PTPRT: variants seen among roughly 807,000 people sequenced by gnomAD.
PTPRT encodes receptor-type tyrosine-protein phosphatase T.
PTPRT carries 56 observed loss-of-function variants against 176.8 expected under a neutral mutation model. The ratio of observed to expected loss-of-function variants is 0.32; its 90% CI spans 0.26 to 0.40. The LOEUF is 0.40. Among genes scored for constraint, PTPRT ranks in the 10% least tolerant of loss-of-function variants. PTPRT has a pLI of 1.00. For synonymous variants in PTPRT, 783 were observed against 739.0 expected (o/e 1.06, Z -0.96); for missense variants, 1,540 against 1,908.2 (o/e 0.81, Z 3.60).
At chr20:42,184,535 C>CTTCTTCTTCTTCT (rs1568652084) in intron 16 of PTPRT, among the ~76,000 whole-genome samples, 573 of 36,628 alleles carry the variant, frequency 0.016, 19 homozygotes, top group South Asian at 0.025. Flanking sequence ...CTTCTTCTTC[C>CTTCTTCTTCTTCT]TCTTCCTCTT....
At chr20:42,848,799 G>A (rs183721300) in intron 2 of PTPRT, among the ~76,000 whole-genome samples, 10 of 152,068 alleles carry the variant, frequency 6.6e-5, no homozygotes, top group Admixed American at 1.3e-4. Flanking sequence ...TTGGCTGTTC[G>A]GAAGCTTTTC....
intron 15 of PTPRT, among the ~76,000 whole-genome samples, chr20:42,210,993 A>C (rs1338870390): frequency 6.6e-6 from 1 of 152,040 alleles, no homozygotes; most frequent in Admixed American, 6.6e-5. Flanking sequence ...ATAACGCCGC[A>C]TATCTACAAC....
chr20:42,360,566 T>C (rs1366153668), intron 9 of PTPRT, among the ~76,000 whole-genome samples: 1 of 152,238 alleles, frequency 6.6e-6, no homozygotes, highest in African/African-American at 2.4e-5. Context: ...AACCTTCTTG[T>C]TTAATGAGTC....
intron 1 of PTPRT, among the ~76,000 whole-genome samples, chr20:42,901,881 T>A (rs2145917335): frequency 6.6e-6 from 1 of 152,330 alleles, no homozygotes; most frequent in Non-Finnish European, 1.5e-5. Flanking sequence ...AATAAAGTTT[T>A]ATTGAAACAC....
intron 1 of PTPRT, among the ~76,000 whole-genome samples, chr20:43,050,411 G>A (rs892445773): frequency 3.3e-5 from 5 of 152,218 alleles, no homozygotes; most frequent in Admixed American, 6.5e-5. Context: ...CTAAAGGCCC[G>A]GATTGGTGCT....
Position 42,448,293 on chromosome 20 carries a change from C to A in PTPRT, c.1487G>T (p.Gly496Val), listed in dbSNP as rs554343349. Residue 496 changes from glycine to valine, a missense_variant, in exon 9 of 31, where the codon GGG becomes GTG. By Grantham distance (109) the Gly-to-Val change is moderately radical. Around this residue, in one of 11 missense-constraint regions of PTPRT, gnomAD observed 136 missense variants for 135.0 expected, o/e 1.01. Coordinates refer to ENST00000373187, the MANE Select transcript of PTPRT (RefSeq NM_007050.6). ...GATGTAGATCTTCTCCTCAAAGGGC[C>A]CCCCTTGGATGGATTCTAGAGGAAC... ...GAVPLESIQG[G>V]PFEEKIYIQW... 1.2e-6 allele frequency: 2 copies of A among 1,613,342 alleles called. No homozygotes were observed. Among genetic ancestry groups the A allele is most frequent in the South Asian group, 1.1e-5 (1 of 91,066 alleles).
intron 7 of PTPRT, among the ~76,000 whole-genome samples, chr20:42,553,030 A>G (rs2072796397): frequency 1.3e-5 from 2 of 152,130 alleles, no homozygotes; most frequent in Non-Finnish European, 2.9e-5. Flanking sequence ...TCTCTATTCT[A>G]CATCTAAAAT....
chr20:42,123,790 A>G (rs1441607344), intron 19 of PTPRT, among the ~76,000 whole-genome samples: 1 of 152,070 alleles, frequency 6.6e-6, no homozygotes, highest in Non-Finnish European at 1.5e-5. Flanking sequence ...TCAGTTGTCA[A>G]TCACGTCTGT....
intron 2 of PTPRT, among the ~76,000 whole-genome samples, chr20:42,836,086 C>T (rs1244465558): frequency 6.6e-6 from 1 of 152,070 alleles, no homozygotes; most frequent in Non-Finnish European, 1.5e-5. Flanking sequence ...GCCACCTCTC[C>T]CTAGCTCTAG....
chr20:43,003,605 G>T (rs1258627987), intron 1 of PTPRT, among the ~76,000 whole-genome samples: 2 of 152,168 alleles, frequency 1.3e-5, no homozygotes, highest in Non-Finnish European at 2.9e-5. Flanking sequence ...TATACTTTGT[G>T]ATTTAAAATC....
chr20:42,633,953 AT>A (rs1386476287), intron 7 of PTPRT, among the ~76,000 whole-genome samples: 10 of 41,354 alleles, frequency 2.4e-4, no homozygotes, highest in East Asian at 7.5e-4. Context: ...ATAATATATA[AT>A]TATATATAAT....
chr20:42,814,978 T>G (rs959831828), intron 2 of PTPRT, among the ~76,000 whole-genome samples: 2 of 151,742 alleles, frequency 1.3e-5, no homozygotes, highest in Non-Finnish European at 2.9e-5. Flanking sequence ...GTAAGAAAAA[T>G]GAAGAGTTAA....
At chr20:42,730,955 T>C (rs2076451594) in intron 6 of PTPRT, among the ~76,000 whole-genome samples, 1 of 152,152 alleles carries the variant, frequency 6.6e-6, no homozygotes, top group Non-Finnish European at 1.5e-5. Context: ...TGGGTGTCCA[T>C]ACAGCTTTCC....
the PTPRT span, among the ~76,000 whole-genome samples, chr20:42,048,928 T>C: frequency 6.6e-6 from 1 of 152,086 alleles, no homozygotes; most frequent in Admixed American, 6.5e-5. Flanking sequence ...TTCAAGCAAT[T>C]CTCCTGCCTC....
chr20:42,930,982 GT>G, intron 1 of PTPRT, among the ~76,000 whole-genome samples: 1 of 152,176 alleles, frequency 6.6e-6, no homozygotes, highest in African/African-American at 2.4e-5. Flanking sequence ...TCTTTATGCT[GT>G]TTAGACCAAT....
At chr20:42,420,378 G>A (rs191235471) in intron 9 of PTPRT, among the ~76,000 whole-genome samples, 102 of 152,112 alleles carry the variant, frequency 6.7e-4, no homozygotes, top group East Asian at 2.9e-3. Flanking sequence ...TATTCTGGCC[G>A]TGCACCACTT....
At chr20:42,919,096 C>T (rs1978980186) in intron 1 of PTPRT, among the ~76,000 whole-genome samples, 1 of 152,220 alleles carries the variant, frequency 6.6e-6, no homozygotes, top group African/African-American at 2.4e-5. Context: ...CAAAATGAAA[C>T]ACAAAACACT....
Position 42,352,172 on chromosome 20 carries a change from T to C in PTPRT, c.1674A>G (p.Pro558=), listed in dbSNP as rs1236836760. The change falls in exon 10 of 31, where the codon CCA becomes CCG. Residue 558 remains proline, a synonymous_variant. Coordinates refer to ENST00000373187, the MANE Select transcript of PTPRT (RefSeq NM_007050.6). The part of the protein sequence containing the change: ...ETHHLFVGLY[P]GTTYSFTIKA... ...TGATGGTGAAGGAATAGGTGGTCCC[T>C]GGGTACAGACCCACAAAGAGGTGGT... 3.1e-6 allele frequency: 5 copies of C among 1,614,168 alleles called. No homozygotes were observed. In the Admixed American group the frequency reaches 8.3e-5, roughly 27 times the overall value.
chr20:43,003,412 G>A (rs1456209950), intron 1 of PTPRT, among the ~76,000 whole-genome samples: 2 of 152,074 alleles, frequency 1.3e-5, no homozygotes, highest in Admixed American at 6.6e-5. Flanking sequence ...GTGTTCCCCA[G>A]GCTGGTCTCT....
Sources: allele counts gnomAD v4.1 joint callset (sites outside exome capture counted in the v4.1 genomes callset), GRCh38; gene constraint gnomAD v4.1.1; regional missense constraint gnomAD v4.1.1; transcripts MANE v1.5; gene names NCBI Gene and HGNC (gene_info 2026-07-23, HGNC 2026-07-21).